CDH4: variants seen among roughly 807,000 people sequenced by gnomAD.
CDH4 encodes the protein cadherin 4, also known as cadherin-4.
In CDH4, 33 loss-of-function variants were observed where a neutral mutation model predicts 86.0. That is an observed-to-expected ratio of 0.38 (90% confidence interval 0.29 to 0.51). The LOEUF is 0.51. Among genes scored for constraint, CDH4 ranks in the 20% least tolerant of loss-of-function variants. The probability of loss-of-function intolerance (pLI) is 0.86; values close to 1 mark genes in which losing one functional copy is unlikely to be tolerated. For missense variants in CDH4, 1,114 were observed against 1,307.4 expected (o/e 0.85, Z 2.28); for synonymous variants, 555 against 549.4 (o/e 1.01, Z -0.14).
At chr20:61,633,864 T>C (rs2086920471) in intron 2 of CDH4, among the ~76,000 whole-genome samples, 1 of 152,172 alleles carries the variant, frequency 6.6e-6, no homozygotes, top group South Asian at 2.1e-4. Flanking sequence ...CATACTGTGC[T>C]CTTTAAACAC....
chr20:61,578,928 C>T (rs975090799), intron 2 of CDH4, among the ~76,000 whole-genome samples: 1 of 152,178 alleles, frequency 6.6e-6, no homozygotes, highest in South Asian at 2.1e-4. Flanking sequence ...CTTTCTCATC[C>T]ATTCGGTCTT....
At chr20:61,365,875 C>T (rs1230847530) in intron 2 of CDH4, among the ~76,000 whole-genome samples, 1 of 152,196 alleles carries the variant, frequency 6.6e-6, no homozygotes, top group Non-Finnish European at 1.5e-5. Flanking sequence ...AGGCAAACTC[C>T]ACACAGGTGA....
chr20:61,435,235 C>A (rs184772702), intron 2 of CDH4, among the ~76,000 whole-genome samples: 16 of 152,312 alleles, frequency 1.1e-4, no homozygotes. Context: ...ATCCTTACAG[C>A]GCTCAGGAGT....
At chr20:61,633,029 T>C (rs2086909732) in intron 2 of CDH4, among the ~76,000 whole-genome samples, 1 of 150,668 alleles carries the variant, frequency 6.6e-6, no homozygotes, top group South Asian at 2.1e-4. Flanking sequence ...CTTCCATTCC[T>C]CCATCCATTT....
intron 2 of CDH4, among the ~76,000 whole-genome samples, chr20:61,633,445 C>T (rs1199994223): frequency 1.3e-5 from 2 of 152,076 alleles, no homozygotes; most frequent in African/African-American, 4.8e-5. Context: ...ATCCATTCAT[C>T]CATCTATCCA....
intron 6 of CDH4, 57 bp from the exon 7 acceptor site, chr20:61,873,671 G>A (rs949133108): frequency 3.8e-5 from 59 of 1,567,936 alleles, no homozygotes; most frequent in African/African-American, 2.6e-4. Context: ...AGGTGTGTGC[G>A]GGGGTGGCAG....
At chr20:61,603,390 G>A (rs1227890078) in intron 2 of CDH4, among the ~76,000 whole-genome samples, 1 of 152,180 alleles carries the variant, frequency 6.6e-6, no homozygotes, top group African/African-American at 2.4e-5. Context: ...AGCTCCCTAG[G>A]GAAGCTGGCT....
At chr20:61,462,964 G>A (rs918284922) in intron 2 of CDH4, among the ~76,000 whole-genome samples, 5 of 152,180 alleles carry the variant, frequency 3.3e-5, no homozygotes, top group African/African-American at 1.2e-4. Flanking sequence ...ACCTTGAATT[G>A]TAATAATTCC....
chr20:61,914,927 G>A (rs569834291), intron 9 of CDH4, among the ~76,000 whole-genome samples: 1 of 152,248 alleles, frequency 6.6e-6, no homozygotes. Flanking sequence ...GAGAACTAGT[G>A]CCGTCCCTAT....
intron 2 of CDH4, among the ~76,000 whole-genome samples, chr20:61,605,052 G>C (rs570848851): frequency 6.6e-5 from 10 of 152,150 alleles, no homozygotes; most frequent in Admixed American, 4.6e-4. Flanking sequence ...CTGGCCTCTC[G>C]TGGTGCCTGT....
chr20:61,457,565 T>C (rs1407047287), intron 2 of CDH4, among the ~76,000 whole-genome samples: 1 of 152,024 alleles, frequency 6.6e-6, no homozygotes, highest in Non-Finnish European at 1.5e-5. Context: ...ATGGTGATGC[T>C]GATGGTCACC....
chr20:61,560,631 C>T (rs573679262), intron 2 of CDH4, among the ~76,000 whole-genome samples: 17 of 152,346 alleles, frequency 1.1e-4, no homozygotes, highest in African/African-American at 2.6e-4. Flanking sequence ...CAGCCCCACC[C>T]GCGGGGCCCT....
At chr20:61,403,759 T>A (rs1406702266) in intron 2 of CDH4, among the ~76,000 whole-genome samples, 1 of 152,088 alleles carries the variant, frequency 6.6e-6, no homozygotes, top group African/African-American at 2.4e-5. Context: ...ACGGGACAAT[T>A]TTTTTTGGCA....
chr20:61,335,637 C>T (rs1255584548), intron 2 of CDH4, among the ~76,000 whole-genome samples: 2 of 152,134 alleles, frequency 1.3e-5, no homozygotes, highest in East Asian at 1.9e-4. Context: ...ATCAATAAGT[C>T]GTGCAAATTG....
intron 2 of CDH4, among the ~76,000 whole-genome samples, chr20:61,485,167 C>A (rs964846003): frequency 2.6e-5 from 4 of 152,154 alleles, no homozygotes; most frequent in Non-Finnish European, 4.4e-5. Context: ...TGTTCCATTG[C>A]GAGATGTGTT....
chr20:61,521,026 C>T (rs568916841), intron 2 of CDH4, among the ~76,000 whole-genome samples: 15 of 152,224 alleles, frequency 9.9e-5, no homozygotes, highest in African/African-American at 3.1e-4. Flanking sequence ...CAGGGGGGCC[C>T]GCACCCACCT....
intron 2 of CDH4, among the ~76,000 whole-genome samples, chr20:61,656,478 G>A (rs62197797): frequency 0.33 from 49,675 of 151,788 alleles, 8,286 homozygotes; most frequent in East Asian, 0.57. Flanking sequence ...GCGTGTTGGG[G>A]TGGGCAGGTG....
At chr20:61,742,550 T>G (rs1001880325) in intron 2 of CDH4, among the ~76,000 whole-genome samples, 1 of 152,056 alleles carries the variant, frequency 6.6e-6, no homozygotes, top group Non-Finnish European at 1.5e-5. Flanking sequence ...ACAGCAAAAT[T>G]GCTTGAAAAA....
At chr20:61,258,341 A>AAAAAAAAAAG (rs1159729342) in intron 2 of CDH4, among the ~76,000 whole-genome samples, 3 of 120,076 alleles carry the variant, frequency 2.5e-5, no homozygotes, top group East Asian at 2.1e-4. Context: ...AAAAAAAAAA[A>AAAAAAAAAAG]AAAAGAAAAA....
Sources: gnomAD v4.1 joint callset for allele counts (sites outside exome capture counted in the v4.1 genomes callset) on GRCh38, gnomAD v4.1.1 for gene constraint, MANE v1.5 for transcripts, NCBI Gene and HGNC (gene_info 2026-07-23, HGNC 2026-07-21) for gene names.